Variants in BBOX1 observed in about 807,000 individuals in gnomAD.
BBOX1 encodes the protein gamma-butyrobetaine hydroxylase 1.
BBOX1 carries 35 observed loss-of-function variants against 41.6 expected under a neutral mutation model. The observed-to-expected ratio is 0.84, with a 90% CI of 0.64 to 1.11. The LOEUF is 1.11. Among genes scored for constraint, BBOX1 ranks in the 50% most tolerant of loss-of-function variants. The probability of loss-of-function intolerance (pLI) is 0.00; values close to 1 mark genes in which losing one functional copy is unlikely to be tolerated. For missense variants in BBOX1, 458 were observed against 460.6 expected (o/e 0.99, Z 0.05); for synonymous variants, 163 against 154.7 (o/e 1.05, Z -0.40).
chr11:27,090,724 G>A (rs1858214855), intron 4 of BBOX1, among the ~76,000 whole-genome samples: 1 of 151,792 alleles, frequency 6.6e-6, no homozygotes. Context: ...TAAGCCTGAG[G>A]GTACTTCAGG....
chr11:27,080,121 C>A (rs1429967150), intron 4 of BBOX1, among the ~76,000 whole-genome samples: 3 of 152,056 alleles, frequency 2.0e-5, no homozygotes, highest in Non-Finnish European at 4.4e-5. Flanking sequence ...TTAATCCTAG[C>A]AATAACTCCC....
chr11:27,074,722 GC>G (rs1384624336), intron 4 of BBOX1, among the ~76,000 whole-genome samples: 10 of 152,320 alleles, frequency 6.6e-5, no homozygotes, highest in Non-Finnish European at 1.3e-4. Flanking sequence ...AAAGAGATTA[GC>G]TAAAACTGAT....
chr11:27,125,821 G>A lies in BBOX1; in HGVS notation c.1003+1G>A. 1.9e-6 allele frequency: 3 copies of A among 1,604,266 alleles called. No individual in the cohort carries two copies. The highest frequency in any genetic ancestry group is 2.5e-6 in the Non-Finnish European group (3 of 1,176,730). On this transcript the variant is annotated splice_donor_variant, in intron 8 of 8. Coordinates refer to ENST00000263182, the MANE Select transcript of BBOX1 (RefSeq NM_003986.3). LOFTEE classifies it high-confidence loss of function. ...AAGTTTACCTTCAAGATGAATCCAGGTCAGTGAATACATTTTCTCAAATAA... is the reference window on the plus strand; with the variant it reads ...AAGTTTACCTTCAAGATGAATCCAGATCAGTGAATACATTTTCTCAAATAA...
chr11:27,080,681 G>C (rs1367125509), intron 4 of BBOX1, among the ~76,000 whole-genome samples: 1 of 152,112 alleles, frequency 6.6e-6, no homozygotes, highest in East Asian at 1.9e-4. Flanking sequence ...GCACTGTATG[G>C]AAATTCTCTT....
At chr11:27,113,892 C>T (rs111659268) in intron 5 of BBOX1, among the ~76,000 whole-genome samples, 5,051 of 150,940 alleles carry the variant, frequency 0.033, 125 homozygotes, top group South Asian at 0.11. Flanking sequence ...CAACATCGCA[C>T]CAATATTTCC....
At chr11:27,047,721 A>G (rs542486064) in intron 2 of BBOX1, among the ~76,000 whole-genome samples, 1 of 152,208 alleles carries the variant, frequency 6.6e-6, no homozygotes, top group Admixed American at 6.5e-5. Flanking sequence ...AGTATTTCCT[A>G]GCCTCTTTCT....
intron 7 of BBOX1, among the ~76,000 whole-genome samples, chr11:27,121,185 C>A (rs1043889861): frequency 6.6e-6 from 1 of 151,862 alleles, no homozygotes; most frequent in Non-Finnish European, 1.5e-5. Context: ...AACTGCTAGA[C>A]CAAAAGTTCT....
At chr11:27,051,448 G>A (rs891036939) in intron 2 of BBOX1, among the ~76,000 whole-genome samples, 2 of 151,974 alleles carry the variant, frequency 1.3e-5, no homozygotes, top group Non-Finnish European at 2.9e-5. Flanking sequence ...CACTGGTGAA[G>A]CCATCAGGTC....
At chr11:27,042,692 T>G (rs968224928) in intron 2 of BBOX1, among the ~76,000 whole-genome samples, 3 of 152,156 alleles carry the variant, frequency 2.0e-5, no homozygotes, top group African/African-American at 7.2e-5. Context: ...TATTCACAAA[T>G]TGTTAAGTAT....
chr11:27,098,498 C>T (rs1858527778), intron 5 of BBOX1, among the ~76,000 whole-genome samples: 3 of 152,036 alleles, frequency 2.0e-5, no homozygotes, highest in Admixed American at 6.6e-5. Flanking sequence ...AGTAGTAATA[C>T]ATGCATTATA....
intron 5 of BBOX1, among the ~76,000 whole-genome samples, chr11:27,112,468 A>G (rs1859106319): frequency 6.6e-6 from 1 of 151,912 alleles, no homozygotes; most frequent in South Asian, 2.1e-4. Context: ...AAATACACAA[A>G]TGGAACAGAA....
intron 5 of BBOX1, among the ~76,000 whole-genome samples, chr11:27,104,064 A>G (rs1192230234): frequency 6.6e-6 from 1 of 151,976 alleles, no homozygotes; most frequent in South Asian, 2.1e-4. Flanking sequence ...TTCCTATACT[A>G]CTCAATATGC....
At chr11:27,044,945 G>GT (rs1243366624) in intron 2 of BBOX1, among the ~76,000 whole-genome samples, 1 of 152,118 alleles carries the variant, frequency 6.6e-6, no homozygotes, top group African/African-American at 2.4e-5. Flanking sequence ...CTTTAAAGTA[G>GT]TTTTTTCCAA....
intron 4 of BBOX1, among the ~76,000 whole-genome samples, chr11:27,086,537 C>A (rs1465692137): frequency 6.6e-6 from 1 of 152,074 alleles, no homozygotes; most frequent in African/African-American, 2.4e-5. Flanking sequence ...AGATGCTTTT[C>A]AAAATACTAC....
chr11:27,126,287 C>G lies in BBOX1; in HGVS notation c.1003+467C>G, dbSNP rs73434013. 7.6e-3 allele frequency among the ~76,000 whole-genome samples: 1,154 copies of G among 152,170 alleles called. 18 individuals are homozygous for G. The highest frequency in any genetic ancestry group is 0.026 in the African/African-American group (1,075 of 41,508). On this transcript the variant is annotated intron_variant, in intron 8 of 8. Transcript: ENST00000263182. Reference sequence around the variant, plus strand: ...GTTTGGCCAGATGGAAGATTCTTTTCCTTTGTATATATTTTTAATTGATCT... The same window carrying G: ...GTTTGGCCAGATGGAAGATTCTTTTGCTTTGTATATATTTTTAATTGATCT...
chr11:27,080,089 C>T (rs1385960310), intron 4 of BBOX1, among the ~76,000 whole-genome samples: 2 of 152,068 alleles, frequency 1.3e-5, no homozygotes, highest in African/African-American at 2.4e-5. Context: ...CTGAGCTCAG[C>T]ACTTAATATT....
intron 5 of BBOX1, among the ~76,000 whole-genome samples, chr11:27,102,721 G>A (rs913210881): frequency 2.0e-5 from 3 of 151,874 alleles, no homozygotes; most frequent in African/African-American, 4.8e-5. Flanking sequence ...CCATTCTCTC[G>A]TAAATTCCTA....
chr11:27,062,760 A>G (rs1857168204), intron 4 of BBOX1, among the ~76,000 whole-genome samples: 1 of 152,056 alleles, frequency 6.6e-6, no homozygotes, highest in Non-Finnish European at 1.5e-5. Context: ...ATGGGGTTTC[A>G]CCATGTTGGC....
intron 4 of BBOX1, among the ~76,000 whole-genome samples, chr11:27,086,061 C>T (rs1858027616): frequency 6.6e-6 from 1 of 152,044 alleles, no homozygotes; most frequent in Admixed American, 6.6e-5. Context: ...GAGGTTGGTT[C>T]ATGAGGTTTA....
Sources: gnomAD v4.1 joint callset for allele counts (sites outside exome capture counted in the v4.1 genomes callset) on GRCh38, gnomAD v4.1.1 for gene constraint, MANE v1.5 for transcripts, NCBI Gene and HGNC (gene_info 2026-07-23, HGNC 2026-07-21) for gene names.